Variants in KCNT1 observed in about 807,000 individuals in gnomAD.
KCNT1 encodes the protein potassium sodium-activated channel subfamily T member 1, also known as potassium channel subfamily T member 1.
A neutral mutation model predicts 147.8 loss-of-function variants in KCNT1; 78 were observed. The ratio of observed to expected loss-of-function variants is 0.53; its 90% confidence interval spans 0.44 to 0.64. The LOEUF is 0.64. Among genes scored for constraint, KCNT1 ranks in the 30% least tolerant of loss-of-function variants. The pLI is 0.00. For missense variants in KCNT1, 1,419 were observed against 1,750.3 expected, an observed-to-expected ratio of 0.81 and a Z score of 3.38; for synonymous variants, 867 against 748.8, an observed-to-expected ratio of 1.16 and a Z score of -2.58.
intron 19 of KCNT1, among the ~76,000 whole-genome samples, chr9:135,774,197 GGTATT>G (rs1387594554): frequency 6.6e-6 from 1 of 150,520 alleles, no homozygotes; most frequent in Non-Finnish European, 1.5e-5. Flanking sequence ...GTGTCTGAGT[GGTATT>G]GTGTGTGGTA....
chr9:135,763,330 C>T (rs571588375), intron 11 of KCNT1, among the ~76,000 whole-genome samples: 2 of 152,324 alleles, frequency 1.3e-5, no homozygotes, highest in East Asian at 3.9e-4. Flanking sequence ...GCTGAATGCA[C>T]CAGTAAAAGC....
Position 135,714,439 on chromosome 9 carries a change from C to G in KCNT1, c.111-138C>G, listed in dbSNP as rs1054140542. The G allele has an allele frequency of 2.5e-6, 1 of 395,606 alleles. No individual in the cohort carries two copies. The highest frequency in any genetic ancestry group is 3.4e-6 in the Non-Finnish European group (1 of 294,262). 24.5% of individuals were successfully genotyped at this position (395,606 alleles called of 1,614,324 possible). A position where few individuals can be genotyped will look rare whatever the true frequency, so the allele number is the denominator to read the frequency against. On this transcript the variant is annotated intron_variant, in intron 1 of 30. Transcript: ENST00000371757. The surrounding 1 kb of genome is among the most constrained non-coding windows in gnomAD (Gnocchi z 6.2). ...CCCGCATGTGCCGCCAGGCCCGCCC[C>G]CGCCCGGCCGCCCGCCCGCCCGGTG...
intron 2 of KCNT1, among the ~76,000 whole-genome samples, chr9:135,720,429 G>T (rs1399363074): frequency 6.6e-6 from 1 of 152,078 alleles, no homozygotes; most frequent in Non-Finnish European, 1.5e-5. Flanking sequence ...TCGGTGTGCT[G>T]AGGGCCTTCT....
intron 2 of KCNT1, among the ~76,000 whole-genome samples, chr9:135,729,229 T>C (rs1241563068): frequency 2.0e-5 from 3 of 152,240 alleles, no homozygotes; most frequent in African/African-American, 7.2e-5. Flanking sequence ...TTCCTCTGGC[T>C]GGCAGTGGAA....
In KCNT1 at chr9:135,714,443, C is replaced by A; in HGVS notation, c.111-134C>A. ...CATGTGCCGCCAGGCCCGCCCCCGC[C>A]CGGCCGCCCGCCCGCCCGGTGGGTC... On this transcript the variant is annotated intron_variant, in intron 1 of 30. Coordinates refer to ENST00000371757, the MANE Select transcript of KCNT1 (RefSeq NM_020822.3). The surrounding 1 kb of genome is among the most constrained non-coding windows in gnomAD (Gnocchi z 6.2). 1 of 446,626 alleles carries A rather than the reference C, an allele frequency of 2.2e-6. No individual in the cohort carries two copies. The highest frequency in any genetic ancestry group is 9.4e-5 in the South Asian group (1 of 10,676). The allele number at this position is 446,626 out of a possible 1,614,324, so 27.7% of individuals were successfully genotyped here.
chr9:135,777,771 C>T (rs534580174), intron 21 of KCNT1, among the ~76,000 whole-genome samples: 1 of 150,530 alleles, frequency 6.6e-6, no homozygotes, highest in South Asian at 2.1e-4. Context: ...GTCCTCCCTG[C>T]TCCCTGTTCC....
intron 2 of KCNT1, among the ~76,000 whole-genome samples, chr9:135,749,190 G>A (rs1228454603): frequency 2.6e-5 from 4 of 152,278 alleles, no homozygotes; most frequent in South Asian, 2.1e-4. Context: ...GAGACCCTGC[G>A]TCCAAGGCTG....
intron 1 of KCNT1, among the ~76,000 whole-genome samples, chr9:135,703,776 C>T (rs986103663): frequency 8.5e-5 from 13 of 152,228 alleles, no homozygotes; most frequent in Admixed American, 3.9e-4. Flanking sequence ...CCAGACGAGC[C>T]GGCAGGACAG....
rs531755850 is a variant in KCNT1, at chr9:135,788,640, C to A, written c.3502+2119C>A. On this transcript the variant is annotated intron_variant, in intron 29 of 30. Coordinates refer to ENST00000371757, the MANE Select transcript of KCNT1 (RefSeq NM_020822.3). ...CGGGAGGAGCTCGGTGAAGCCTGGG[C>A]TGGATGCAGGGGTGGGGACTCCAAG... Among the ~76,000 whole-genome samples the A allele has an allele frequency of 2.0e-5, 3 of 152,286 alleles. No individual in the cohort carries two copies. The South Asian group carries it at 6.2e-4, about 32-fold the overall frequency.
At chr9:135,783,897 G>A (rs931770967) in intron 24 of KCNT1, 127 bp from the exon 25 acceptor site, 13 of 700,984 alleles carry the variant, frequency 1.9e-5, no homozygotes. Context: ...CACACACCAT[G>A]CACAAATGTG....
chr9:135,782,490 T>C (rs1021746428), intron 24 of KCNT1, among the ~76,000 whole-genome samples: 27 of 152,214 alleles, frequency 1.8e-4, no homozygotes, highest in Non-Finnish European at 4.0e-4. Flanking sequence ...GCACGGTGCC[T>C]GTCCTGCTCC....
intron 2 of KCNT1, among the ~76,000 whole-genome samples, chr9:135,720,450 C>T (rs1263891139): frequency 6.6e-6 from 1 of 152,102 alleles, no homozygotes; most frequent in Non-Finnish European, 1.5e-5. Flanking sequence ...AGAATCATCC[C>T]TCCTGCGAAG....
intron 13 of KCNT1, among the ~76,000 whole-genome samples, chr9:135,768,251 G>C (rs1388166194): frequency 2.5e-5 from 1 of 39,406 alleles, no homozygotes; most frequent in Non-Finnish European, 8.1e-5. Context: ...GGGGGGGGGG[G>C]GGGGGGCACT....
At chr9:135,774,674 G>A (rs895914170) in intron 19 of KCNT1, among the ~76,000 whole-genome samples, 14 of 152,222 alleles carry the variant, frequency 9.2e-5, no homozygotes, top group Admixed American at 2.6e-4. Context: ...TTATGTGTCC[G>A]TGCACGTGGT....
intron 2 of KCNT1, among the ~76,000 whole-genome samples, chr9:135,749,642 G>C (rs1248773035): frequency 6.6e-6 from 1 of 152,252 alleles, no homozygotes; most frequent in Non-Finnish European, 1.5e-5. Context: ...CAGAGCAGCT[G>C]ACCATCAGCT....
At chr9:135,769,152 C>CT (rs1832557451) in intron 15 of KCNT1, among the ~76,000 whole-genome samples, 1 of 107,020 alleles carries the variant, frequency 9.3e-6, no homozygotes, top group Non-Finnish European at 2.1e-5. Flanking sequence ...CATGTGCACA[C>CT]GTGGGTGACG....
At chr9:135,738,378 G>C (rs545620389) in intron 2 of KCNT1, among the ~76,000 whole-genome samples, 1 of 152,212 alleles carries the variant, frequency 6.6e-6, no homozygotes, top group Non-Finnish European at 1.5e-5. Context: ...AACAGGGCTC[G>C]CGCTGAGATG....
intron 18 of KCNT1, among the ~76,000 whole-genome samples, chr9:135,772,277 T>A (rs1832811587): frequency 1.3e-5 from 2 of 152,198 alleles, no homozygotes; most frequent in South Asian, 4.1e-4. Context: ...AACCCCCATC[T>A]GGCAGCCTGG....
Position 135,730,990 on chromosome 9 carries a change from T to TAAAAAA in KCNT1, c.254+16288_254+16293dup, listed in dbSNP as rs56307359. Among the ~76,000 whole-genome samples the TAAAAAA allele has an allele frequency of 4.6e-4, 39 of 85,590 alleles. No individual in the cohort carries two copies. Among genetic ancestry groups the TAAAAAA allele is most frequent in the African/African-American group, 1.6e-3 (35 of 22,076 alleles). The allele number at this position is 85,590 out of a possible 152,430, so 56.2% of individuals were successfully genotyped here. Reference sequence around the variant, plus strand: ...AACAAAGTGAGATCCCGTCTCAAGGTAAAAAAAAAAAAAAAAAAAAAAAGT... The same window carrying TAAAAAA: ...AACAAAGTGAGATCCCGTCTCAAGGTAAAAAAAAAAAAAAAAAAAAAAAAAAAAAGT... On this transcript the variant is annotated intron_variant, in intron 2 of 30. Transcript: ENST00000371757. This position sits in a 1 kb window ranked among gnomAD's most constrained non-coding sequence, Gnocchi z 4.7.
Sources: allele counts gnomAD v4.1 joint callset (sites outside exome capture counted in the v4.1 genomes callset), GRCh38; gene constraint gnomAD v4.1.1; non-coding constraint Gnocchi (gnomAD v3.1); transcripts MANE v1.5; gene names NCBI Gene and HGNC (gene_info 2026-07-23, HGNC 2026-07-21).